The following ASCC3 variants were observed in gnomAD, a reference collection of about 807,000 sequenced individuals.
The protein encoded by ASCC3 is ASC-1 complex subunit P200.
ASCC3 carries 158 observed loss-of-function variants against 256.3 expected under a neutral mutation model. The observed-to-expected ratio is 0.62, with a 90% confidence interval of 0.54 to 0.70. ASCC3 has a LOEUF of 0.70. Among genes scored for constraint, ASCC3 ranks in the 30% least tolerant of loss-of-function variants. The probability of loss-of-function intolerance (pLI) is 0.00; values close to 1 mark genes in which losing one functional copy is unlikely to be tolerated. For synonymous variants in ASCC3, 948 were observed against 883.4 expected (o/e 1.07, Z -1.30); for missense variants, 2,259 against 2,626.0 (o/e 0.86, Z 3.05).
At chr6:100,762,723 C>G (rs1233215194) in intron 10 of ASCC3, among the ~76,000 whole-genome samples, 2 of 152,022 alleles carry the variant, frequency 1.3e-5, no homozygotes, top group African/African-American at 4.8e-5. Context: ...CCTAGTGAAC[C>G]ACAAAATACA....
intron 10 of ASCC3, among the ~76,000 whole-genome samples, chr6:100,728,409 C>A (rs12213201): frequency 0.48 from 73,107 of 151,764 alleles, 17,629 homozygotes; most frequent in South Asian, 0.67. Flanking sequence ...TAAACTTATA[C>A]AATCACTTTG....
intron 8 of ASCC3, among the ~76,000 whole-genome samples, chr6:100,769,137 T>C (rs1239391613): frequency 6.6e-6 from 1 of 152,072 alleles, no homozygotes; most frequent in African/African-American, 2.4e-5. Context: ...AGATACCACA[T>C]GATCTCACTC....
intron 10 of ASCC3, among the ~76,000 whole-genome samples, chr6:100,746,466 T>C (rs1346873173): frequency 1.3e-5 from 2 of 152,176 alleles, no homozygotes; most frequent in Non-Finnish European, 2.9e-5. Context: ...ATCAATATCC[T>C]AAGGGTTGTG....
chr6:100,841,347 TA>T, intron 4 of ASCC3, among the ~76,000 whole-genome samples: 1 of 151,936 alleles, frequency 6.6e-6, no homozygotes, highest in Non-Finnish European at 1.5e-5. Flanking sequence ...AATATTTTTT[TA>T]AAAAATAGTA....
At position 100,747,333 on chromosome 6, in the gene ASCC3, G is replaced by A. The variant is rs1388163851; in HGVS notation, c.1737+19232C>T. 3.9e-5 allele frequency among the ~76,000 whole-genome samples: 6 copies of A among 152,038 alleles called. No individual in the cohort carries two copies. The East Asian group carries it at 9.6e-4, about 24-fold the overall frequency. On this transcript the variant is annotated intron_variant, in intron 10 of 41. Coordinates refer to ENST00000369162, the MANE Select transcript of ASCC3 (RefSeq NM_006828.4). ...GAGGGTATTGCTGCTTTGGAATACA[G>A]TTCGGTAGTTTCTCAAAAAAACATC...
At chr6:100,681,408 T>G (rs923205133) in intron 13 of ASCC3, among the ~76,000 whole-genome samples, 1 of 152,032 alleles carries the variant, frequency 6.6e-6, no homozygotes, top group Non-Finnish European at 1.5e-5. Context: ...CTGATACTAA[T>G]AGGTTTTGAA....
chr6:100,581,427 G>A (rs1449379280), intron 36 of ASCC3, among the ~76,000 whole-genome samples: 2 of 152,050 alleles, frequency 1.3e-5, no homozygotes, highest in Non-Finnish European at 1.5e-5. Flanking sequence ...TTTTGATGGG[G>A]TTGTTTGTTT....
chr6:100,809,119 C>T (rs979169453), intron 4 of ASCC3, among the ~76,000 whole-genome samples: 1 of 151,846 alleles, frequency 6.6e-6, no homozygotes, highest in Non-Finnish European at 1.5e-5. Context: ...TGTTAATGTA[C>T]TACCGTAGAC....
intron 4 of ASCC3, among the ~76,000 whole-genome samples, chr6:100,833,714 G>C (rs1771734332): frequency 6.6e-6 from 1 of 152,130 alleles, no homozygotes; most frequent in African/African-American, 2.4e-5. Context: ...CTTAATGCTG[G>C]TAAATGTTTG....
At chr6:100,525,156 CAAAAAAAAAAAAAAAA>C (rs57882047) in intron 37 of ASCC3, among the ~76,000 whole-genome samples, 1 of 44,950 alleles carries the variant, frequency 2.2e-5, no homozygotes, top group Non-Finnish European at 3.9e-5. Context: ...GACCCTGTCT[CAAAAAAAAAAAAAAAA>C]AAAAAAAAAA....
chr6:100,516,052 T>C (rs1335120169), intron 39 of ASCC3, 128 bp downstream of exon 39: 9 of 1,099,606 alleles, frequency 8.2e-6, no homozygotes, highest in African/African-American at 3.1e-5. Flanking sequence ...ATAATCATAG[T>C]AGTAAATGGC....
At chr6:100,596,195 G>A (rs1229403303) in intron 34 of ASCC3, among the ~76,000 whole-genome samples, 1 of 152,022 alleles carries the variant, frequency 6.6e-6, no homozygotes, top group Non-Finnish European at 1.5e-5. Context: ...ATTACACAAT[G>A]AGAATGTAGC....
intron 34 of ASCC3, among the ~76,000 whole-genome samples, chr6:100,592,423 G>A (rs182122929): frequency 6.6e-6 from 1 of 151,872 alleles, no homozygotes; most frequent in East Asian, 1.9e-4. Context: ...TCAATATTTG[G>A]ACTGAGATTC....
At chr6:100,561,519 C>T (rs796870180) in intron 36 of ASCC3, among the ~76,000 whole-genome samples, 3 of 152,196 alleles carry the variant, frequency 2.0e-5, no homozygotes, top group African/African-American at 4.8e-5. Context: ...CACTTTGGTG[C>T]GGGTCTCAAA....
chr6:100,587,842 T>C (rs1259043903), intron 36 of ASCC3, among the ~76,000 whole-genome samples: 1 of 152,204 alleles, frequency 6.6e-6, no homozygotes, highest in African/African-American at 2.4e-5. Flanking sequence ...TCAATACCTT[T>C]TCAAAGAGAA....
chr6:100,655,155 C>T (rs772324732), intron 17 of ASCC3, among the ~76,000 whole-genome samples: 1 of 151,876 alleles, frequency 6.6e-6, no homozygotes, highest in Non-Finnish European at 1.5e-5. Flanking sequence ...ACGGACCACA[C>T]AATTGTGAAG....
chr6:100,550,193 GT>G (rs1158748738), intron 36 of ASCC3, among the ~76,000 whole-genome samples: 1 of 151,818 alleles, frequency 6.6e-6, no homozygotes, highest in Non-Finnish European at 1.5e-5. Flanking sequence ...CACATTTTAT[GT>G]TTCTTTCTAC....
intron 13 of ASCC3, among the ~76,000 whole-genome samples, chr6:100,712,724 C>T (rs1291496385): frequency 6.7e-6 from 1 of 149,946 alleles, no homozygotes; most frequent in Non-Finnish European, 1.5e-5. Flanking sequence ...TAAACATACT[C>T]CTACCATATG....
intron 25 of ASCC3, among the ~76,000 whole-genome samples, chr6:100,635,160 A>C (rs1195080954): frequency 2.6e-5 from 4 of 152,060 alleles, no homozygotes; most frequent in African/African-American, 7.2e-5. Flanking sequence ...TAAGTGCCTC[A>C]AGATAGATAA....
Sources: allele counts gnomAD v4.1 joint callset (sites outside exome capture counted in the v4.1 genomes callset), GRCh38; gene constraint gnomAD v4.1.1; transcripts MANE v1.5; gene names NCBI Gene and HGNC (gene_info 2026-07-23, HGNC 2026-07-21).